Variants in AJAP1 observed in about 807,000 individuals in gnomAD.
The protein encoded by AJAP1 is adherens junctions associated protein 1.
AJAP1 carries 5 observed loss-of-function variants against 35.0 expected under a neutral mutation model. The ratio of observed to expected loss-of-function variants is 0.14; its 90% CI spans 0.07 to 0.30. AJAP1 has a LOEUF of 0.30. AJAP1 is among the 10% of genes least tolerant of loss of function. AJAP1 has a pLI of 1.00. For missense variants in AJAP1, 586 were observed against 571.0 expected, an observed-to-expected ratio of 1.03 and a Z score of -0.27; for synonymous variants, 284 against 249.3, an observed-to-expected ratio of 1.14 and a Z score of -1.31.
At chr1:4,689,833 C>T (rs746578611) in intron 1 of AJAP1, among the ~76,000 whole-genome samples, 2 of 152,222 alleles carry the variant, frequency 1.3e-5, no homozygotes, top group Admixed American at 1.3e-4. Flanking sequence ...CAAGGCCGCC[C>T]CCTCTCGCGG....
At chr1:4,673,499 C>T (rs971435817) in intron 1 of AJAP1, among the ~76,000 whole-genome samples, 1 of 152,168 alleles carries the variant, frequency 6.6e-6, no homozygotes, top group African/African-American at 2.4e-5. Context: ...GTGGGCAGGC[C>T]TTCAACCCAG....
intron 2 of AJAP1, among the ~76,000 whole-genome samples, chr1:4,729,954 C>G (rs1313195630): frequency 6.6e-6 from 1 of 152,138 alleles, no homozygotes; most frequent in African/African-American, 2.4e-5. Flanking sequence ...GAAAAAAGTT[C>G]AGCCCCAAAA....
rs1236252111 is a variant in AJAP1 at position 4,654,654 on chromosome 1, CGGGCGCGGT to C, written c.-763_-755del. The C allele has an allele frequency of 6.7e-6, 1 of 148,398 alleles. No individual in the cohort carries two copies. Among genetic ancestry groups the C allele is most frequent in the Non-Finnish European group, 1.5e-5 (1 of 66,486 alleles). The allele number at this position is 148,398 out of a possible 1,614,324, so 9.2% of individuals were successfully genotyped here. ...CTGAGCAGCGCGGGCGGCTCTGCGG[CGGGCGCGGT>C]GGGCGCGGGCGGCGGGGCCCCGGGA... On this transcript the variant is annotated 5_prime_UTR_variant, in exon 1 of 6. Coordinates refer to ENST00000378191, the MANE Select transcript of AJAP1 (RefSeq NM_018836.4). This position sits in a 1 kb window ranked among gnomAD's most constrained non-coding sequence, Gnocchi z 5.1.
chr1:4,782,145 G>A lies in AJAP1; in HGVS notation c.*60-400G>A, dbSNP rs1642076361. On this transcript the variant is annotated intron_variant, in intron 5 of 5. Transcript: ENST00000378191. The surrounding 1 kb of genome is among the most constrained non-coding windows in gnomAD (Gnocchi z 5.3). ...CGCCACCCTCCATGGGAGGAAACTG[G>A]ACAGAGAGTGAGAGCAGGGCTGCCA... is the stretch of plus-strand genomic sequence containing the variant. Among the ~76,000 whole-genome samples the A allele has an allele frequency of 6.6e-6, 1 of 152,186 alleles. No individual in the cohort carries two copies. Among genetic ancestry groups the A allele is most frequent in the Admixed American group, 6.5e-5 (1 of 15,276 alleles).
chr1:4,691,789 G>A (rs773976755), intron 1 of AJAP1, among the ~76,000 whole-genome samples: 11 of 152,160 alleles, frequency 7.2e-5, no homozygotes, highest in East Asian at 1.9e-4. Flanking sequence ...TGGTGAAAAC[G>A]TGTGTGGGGG....
At chr1:4,676,694 T>C (rs1161894559) in intron 1 of AJAP1, among the ~76,000 whole-genome samples, 1 of 152,126 alleles carries the variant, frequency 6.6e-6, no homozygotes, top group Non-Finnish European at 1.5e-5. Flanking sequence ...GGGGACAACA[T>C]ACTCTCAAAC....
Position 4,783,513 on chromosome 1 carries a change from T to TA in AJAP1, c.*1028_*1029insA, listed in dbSNP as rs1642109461. ...TATATATATATATATATATATATGT[T>TA]TGTGTGTGTATATATATATATATAT... On this transcript the variant is annotated 3_prime_UTR_variant, in exon 6 of 6. Transcript: ENST00000378191. The TA allele has an allele frequency of 9.6e-6, 1 of 103,840 alleles. No individual in the cohort carries two copies. The highest frequency in any genetic ancestry group is 3.9e-5 in the African/African-American group (1 of 25,866). The allele number at this position is 103,840 out of a possible 1,614,324, so 6.4% of individuals were successfully genotyped here.
chr1:4,742,834 C>T (rs1641100890), intron 2 of AJAP1, among the ~76,000 whole-genome samples: 2 of 152,166 alleles, frequency 1.3e-5, no homozygotes, highest in Non-Finnish European at 2.9e-5. Flanking sequence ...GATACTGATT[C>T]AGAGGTTGCT....
intron 1 of AJAP1, among the ~76,000 whole-genome samples, chr1:4,689,470 T>C (rs1639686412): frequency 6.6e-6 from 1 of 152,132 alleles, no homozygotes; most frequent in African/African-American, 2.4e-5. Flanking sequence ...GGCAGGATCA[T>C]GCACAGGGCA....
chr1:4,691,977 CGTG>C (rs1209746329), intron 1 of AJAP1, among the ~76,000 whole-genome samples: 1 of 151,204 alleles, frequency 6.6e-6, no homozygotes, highest in African/African-American at 2.4e-5. Flanking sequence ...GTAGGTCAGA[CGTG>C]GGGTGGGGAC....
At chr1:4,682,914 T>C (rs555185559) in intron 1 of AJAP1, among the ~76,000 whole-genome samples, 582 of 152,012 alleles carry the variant, frequency 3.8e-3, no homozygotes, top group African/African-American at 0.013. Context: ...ATGCTGATGG[T>C]GATGATGGTG....
At chr1:4,751,615 C>T (rs1641322141) in intron 2 of AJAP1, among the ~76,000 whole-genome samples, 3 of 152,220 alleles carry the variant, frequency 2.0e-5, no homozygotes, top group Admixed American at 2.0e-4. Context: ...GCAGCTCATC[C>T]TCCTGGCTGC....
chr1:4,763,946 G>C (rs1641627291), intron 2 of AJAP1, among the ~76,000 whole-genome samples: 1 of 150,500 alleles, frequency 6.6e-6, no homozygotes, highest in South Asian at 2.1e-4. Flanking sequence ...AAGGTTCCTG[G>C]TTCTTGGGCC....
At chr1:4,700,059 C>T (rs1432373730) in intron 1 of AJAP1, among the ~76,000 whole-genome samples, 1 of 152,210 alleles carries the variant, frequency 6.6e-6, no homozygotes, top group Non-Finnish European at 1.5e-5. Context: ...AGAGCTCTCC[C>T]CTGAGCGTCT....
At chr1:4,725,156 C>T (rs1057150738) in intron 2 of AJAP1, among the ~76,000 whole-genome samples, 14 of 152,288 alleles carry the variant, frequency 9.2e-5, no homozygotes, top group South Asian at 2.1e-4. Flanking sequence ...GTGCAGACAG[C>T]GGCCTGCAGC....
At chr1:4,698,794 T>C (rs778978229) in intron 1 of AJAP1, among the ~76,000 whole-genome samples, 3 of 152,204 alleles carry the variant, frequency 2.0e-5, no homozygotes, top group African/African-American at 4.8e-5. Flanking sequence ...CCTCACTGTG[T>C]GCCCTCCGAT....
intron 1 of AJAP1, among the ~76,000 whole-genome samples, chr1:4,675,202 G>A (rs1006524601): frequency 8.5e-5 from 13 of 152,338 alleles, no homozygotes; most frequent in African/African-American, 3.1e-4. Flanking sequence ...GCAGTGTTTA[G>A]GGGTCCCCAG....
intron 2 of AJAP1, among the ~76,000 whole-genome samples, chr1:4,766,359 A>C (rs1367030793): frequency 6.6e-6 from 1 of 152,078 alleles, no homozygotes; most frequent in Admixed American, 6.5e-5. Flanking sequence ...GAAGGAAACT[A>C]CTCCTGGCTC....
At chr1:4,711,672 G>A (rs763639459) in intron 1 of AJAP1, among the ~76,000 whole-genome samples, 3 of 152,208 alleles carry the variant, frequency 2.0e-5, no homozygotes, top group Non-Finnish European at 2.9e-5. Context: ...CCGCGGTGCC[G>A]GGAAGCAGCT....
Sources: gnomAD v4.1 joint callset for allele counts (sites outside exome capture counted in the v4.1 genomes callset) on GRCh38, gnomAD v4.1.1 for gene constraint, Gnocchi (gnomAD v3.1) non-coding constraint, MANE v1.5 for transcripts, NCBI Gene and HGNC (gene_info 2026-07-23, HGNC 2026-07-21) for gene names.